NUP160: variants seen among roughly 807,000 people sequenced by gnomAD.
The protein encoded by NUP160 is nuclear pore complex protein Nup160.
Under a neutral mutation model 196.9 loss-of-function variants are expected in NUP160, and 94 were observed. That is an observed-to-expected ratio of 0.48 (90% CI 0.40 to 0.57). The LOEUF (loss-of-function observed/expected upper bound fraction) is 0.57, where lower values mean the gene tolerates loss of function less well. NUP160 is among the 20% of genes least tolerant of loss of function. The probability of loss-of-function intolerance (pLI) is 0.00; values close to 1 mark genes in which losing one functional copy is unlikely to be tolerated. For missense variants in NUP160, 1,638 were observed against 1,748.3 expected, an observed-to-expected ratio of 0.94 and a Z score of 1.13; for synonymous variants, 605 against 619.7, an observed-to-expected ratio of 0.98 and a Z score of 0.35.
chr11:47,805,290 C>T (rs1481638996), intron 20 of NUP160, among the ~76,000 whole-genome samples: 4 of 151,816 alleles, frequency 2.6e-5, no homozygotes, highest in African/African-American at 9.7e-5. Flanking sequence ...CCACCAAGCC[C>T]AGCTAATTTT....
At chr11:47,818,269 G>A (rs1851778598) in intron 10 of NUP160, 145 bp from the exon 11 acceptor site, 1 of 583,620 alleles carries the variant, frequency 1.7e-6, no homozygotes, top group Non-Finnish European at 3.1e-6. Context: ...GCGGTTACAT[G>A]TTTTCACACT....
chr11:47,811,511 G>GA (rs961532716), intron 17 of NUP160, among the ~76,000 whole-genome samples: 109 of 149,896 alleles, frequency 7.3e-4, no homozygotes, highest in African/African-American at 2.4e-3. Context: ...AGAGAGACAG[G>GA]AAAAAAAAAG....
chr11:47,823,942 T>C (rs12799939), intron 7 of NUP160, among the ~76,000 whole-genome samples: 1 of 149,534 alleles, frequency 6.7e-6, no homozygotes, highest in Non-Finnish European at 1.5e-5. Flanking sequence ...TTGCCTATTG[T>C]GAGTAATGCT....
chr11:47,805,304 A>AT (rs1157308498), intron 20 of NUP160, among the ~76,000 whole-genome samples: 3 of 151,518 alleles, frequency 2.0e-5, no homozygotes, highest in East Asian at 1.9e-4. Flanking sequence ...TAATTTTAGT[A>AT]TTTTTTTGTA....
chr11:47,783,048 T>A, intron 34 of NUP160, 25 bp downstream of exon 34: 1 of 1,599,918 alleles, frequency 6.3e-7, no homozygotes, highest in Non-Finnish European at 8.6e-7. Flanking sequence ...CCATTGTAAA[T>A]TGGGGACCAT....
At chr11:47,829,839 C>T (rs1219849728) in intron 7 of NUP160, among the ~76,000 whole-genome samples, 1 of 152,102 alleles carries the variant, frequency 6.6e-6, no homozygotes, top group Non-Finnish European at 1.5e-5. Flanking sequence ...ACACTAAAAG[C>T]AATCTCAACA....
At chr11:47,785,711 CA>C (rs1173065169) in intron 32 of NUP160, among the ~76,000 whole-genome samples, 1 of 152,176 alleles carries the variant, frequency 6.6e-6, no homozygotes, top group Non-Finnish European at 1.5e-5. Context: ...CAAACCTGAT[CA>C]AGCATTAGAA....
intron 32 of NUP160, among the ~76,000 whole-genome samples, chr11:47,785,830 C>A (rs916989101): frequency 1.3e-5 from 2 of 152,192 alleles, no homozygotes; most frequent in African/African-American, 4.8e-5. Flanking sequence ...TGTCAGAGAA[C>A]TTCCAAATTC....
chr11:47,808,858 T>C (rs1310130261), intron 17 of NUP160, among the ~76,000 whole-genome samples: 1 of 151,996 alleles, frequency 6.6e-6, no homozygotes. Context: ...CCCAGCACTT[T>C]GGGAGGCTGA....
intron 7 of NUP160, among the ~76,000 whole-genome samples, chr11:47,826,366 T>TG (rs1851967906): frequency 2.6e-5 from 4 of 152,200 alleles, no homozygotes; most frequent in Admixed American, 2.6e-4. Context: ...GTCAAAAAAG[T>TG]TATTCTGATT....
chr11:47,795,681 G>A (rs1326565457), intron 27 of NUP160, among the ~76,000 whole-genome samples: 2 of 152,102 alleles, frequency 1.3e-5, no homozygotes, highest in Non-Finnish European at 2.9e-5. Flanking sequence ...CATTGATAAT[G>A]TAAGTCCAAA....
chr11:47,822,053 A>G (rs772077784), intron 8 of NUP160, 34 bp downstream of exon 8: 23 of 1,371,916 alleles, frequency 1.7e-5, no homozygotes, highest in Non-Finnish European at 2.3e-5. Context: ...TTTTTCTTGT[A>G]CTTATGTGAT....
Position 47,831,829 on chromosome 11 carries a change from C to T in NUP160, c.1101+3822G>A, listed in dbSNP as rs185413115. 8.0e-3 allele frequency among the ~76,000 whole-genome samples: 754 copies of T among 93,682 alleles called. 12 individuals are homozygous for T. The highest frequency in any genetic ancestry group is 0.029 in the African/African-American group (701 of 23,834). The allele number at this position is 93,682 out of a possible 152,430, so 61.5% of individuals were successfully genotyped here. A position where few individuals can be genotyped will look rare whatever the true frequency, so the allele number is the denominator to read the frequency against. On this transcript the variant is annotated intron_variant, in intron 7 of 35. Coordinates refer to ENST00000378460, the Ensembl canonical transcript of NUP160. ...CTGTATTCCAGCCTTAGTGACAAAGCGAGACTCTCTCTCAAAAAAAAAAAA... is the reference window on the plus strand; with the variant it reads ...CTGTATTCCAGCCTTAGTGACAAAGTGAGACTCTCTCTCAAAAAAAAAAAA...
At chr11:47,820,326 C>T (rs770154851) in intron 9 of NUP160, 4 of 152,070 alleles carry the variant, frequency 2.6e-5, no homozygotes, top group Non-Finnish European at 5.9e-5. Context: ...TTTTAACTAC[C>T]TAAGGCTTGC....
Position 47,839,835 on chromosome 11 carries a change from A to T in NUP160, c.748+8T>A, listed in dbSNP as rs367818091. ...AAAGTTAAATCCATGCTCAGTTCCC[A>T]TTCTTACCAGGTATGTCATAAGGAG... is the stretch of plus-strand genomic sequence containing the variant. On this transcript the variant is annotated splice_region_variant and intron_variant, in intron 4 of 35. Coordinates refer to ENST00000378460, the Ensembl canonical transcript of NUP160. The T allele has an allele frequency of 6.7e-5, 107 of 1,606,136 alleles. 1 individual carries two copies. The highest frequency in any genetic ancestry group is 4.5e-4 in the Admixed American group (27 of 60,002).
chr11:47,840,133 A>G, intron 3 of NUP160, 68 bp from the exon 4 acceptor site: 1 of 1,220,924 alleles, frequency 8.2e-7, no homozygotes, highest in Admixed American at 2.1e-5. Flanking sequence ...GTTCCTCTCT[A>G]TTGCTAAAAA....
rs759844711 is a variant in NUP160, at chr11:47,798,094, T to C, written c.3087-20A>G. On this transcript the variant is annotated intron_variant, in intron 25 of 35. Coordinates refer to ENST00000378460, the Ensembl canonical transcript of NUP160. ...AATTGCCTAGAAGGAAAGAAAGGAATATGAGGGCAAACTATCTTAGTAGGT... is the reference window on the plus strand; with the variant it reads ...AATTGCCTAGAAGGAAAGAAAGGAACATGAGGGCAAACTATCTTAGTAGGT... The C allele has an allele frequency of 3.2e-6, 5 of 1,552,760 alleles. No homozygotes were observed. Among genetic ancestry groups the C allele is most frequent in the Non-Finnish European group, 3.5e-6 (4 of 1,131,446 alleles).
chr11:47,803,016 G>C (rs1846575071), intron 22 of NUP160, among the ~76,000 whole-genome samples: 1 of 151,646 alleles, frequency 6.6e-6, no homozygotes, highest in South Asian at 2.1e-4. Context: ...AAATAAGTTT[G>C]ATTTATAAAA....
intron 10 of NUP160, 118 bp from the exon 11 acceptor site, chr11:47,818,242 T>TAGAA: frequency 1.5e-6 from 1 of 672,350 alleles, no homozygotes; most frequent in Non-Finnish European, 2.7e-6. Flanking sequence ...CTTCTATATG[T>TAGAA]GGGCAATAAC....
Sources: gnomAD v4.1 joint callset for allele counts (sites outside exome capture counted in the v4.1 genomes callset) on GRCh38, gnomAD v4.1.1 for gene constraint, MANE v1.5 for transcripts, NCBI Gene and HGNC (gene_info 2026-07-23, HGNC 2026-07-21) for gene names.